The following HDX variants were observed in gnomAD, a reference collection of about 807,000 sequenced individuals.
HDX encodes the protein chromosome X open reading frame 43.
HDX carries 19 observed loss-of-function variants against 45.2 expected under a neutral mutation model. The ratio of observed to expected loss-of-function variants is 0.42; its 90% confidence interval spans 0.29 to 0.62. The LOEUF (loss-of-function observed/expected upper bound fraction) is 0.62. Among genes scored for constraint, HDX ranks in the 20% least tolerant of loss-of-function variants. The pLI is 0.20. For synonymous variants in HDX, 188 were observed against 172.8 expected (o/e 1.09, Z -0.69); for missense variants, 532 against 493.9 (o/e 1.08, Z -0.73).
At chrX:84,450,922 A>G (rs1286243723) in intron 4 of HDX, among the ~76,000 whole-genome samples, 2 of 112,056 alleles carry the variant, frequency 1.8e-5, no homozygotes, top group Non-Finnish European at 3.8e-5. Context: ...ATACATGGAT[A>G]TTAAACAACA....
At chrX:84,447,490 G>A (rs2039898419) in intron 4 of HDX, among the ~76,000 whole-genome samples, 1 of 111,192 alleles carries the variant, frequency 9.0e-6, no homozygotes, top group Non-Finnish European at 1.9e-5. Context: ...TTAGCCAATG[G>A]AAAGTGCCTC....
intron 5 of HDX, among the ~76,000 whole-genome samples, chrX:84,371,101 T>C (rs1057475165): frequency 8.9e-6 from 1 of 111,993 alleles, no homozygotes; most frequent in African/African-American, 3.2e-5. Flanking sequence ...GTGGAGCACA[T>C]CGTAAGGGCT....
chrX:84,472,480 A>G (rs912161113), intron 3 of HDX, among the ~76,000 whole-genome samples: 1 of 111,126 alleles, frequency 9.0e-6, no homozygotes, highest in Non-Finnish European at 1.9e-5. Context: ...AAATTACAAA[A>G]TAGGAGGGAT....
intron 5 of HDX, among the ~76,000 whole-genome samples, chrX:84,382,009 T>C (rs1156493280): frequency 1.8e-5 from 2 of 110,885 alleles, no homozygotes; most frequent in African/African-American, 6.5e-5. Context: ...TAGAAAAAAA[T>C]CTAATAATCC....
chrX:84,422,406 A>C (rs922010932), intron 5 of HDX, among the ~76,000 whole-genome samples: 1 of 111,181 alleles, frequency 9.0e-6, no homozygotes, highest in African/African-American at 3.3e-5. Context: ...AAGTGCCTAC[A>C]TCAAGAAAAA....
chrX:84,473,158 G>GT (rs1056807373), intron 3 of HDX, among the ~76,000 whole-genome samples: 12 of 106,622 alleles, frequency 1.1e-4, no homozygotes, highest in Admixed American at 2.0e-4. Flanking sequence ...TTGTTTTCTT[G>GT]TTTTTTTTAC....
At chrX:84,433,462 C>T (rs2039550633) in intron 5 of HDX, among the ~76,000 whole-genome samples, 1 of 111,497 alleles carries the variant, frequency 9.0e-6, no homozygotes, top group African/African-American at 3.3e-5. Flanking sequence ...CCAGCGAGTG[C>T]TCTTGGCACC....
chrX:84,424,402 T>G (rs1168068671), intron 5 of HDX, among the ~76,000 whole-genome samples: 1 of 110,337 alleles, frequency 9.1e-6, no homozygotes, highest in African/African-American at 3.3e-5. Context: ...CAATAAAGAT[T>G]CAATGCGATC....
rs1353540677 is a variant in HDX at position 84,321,267 on chromosome X, C to T, written c.*622G>A. 1 of 110,302 alleles carries T rather than the reference C, an allele frequency of 9.1e-6. No homozygotes were observed. Among genetic ancestry groups the T allele is most frequent in the Non-Finnish European group, 1.9e-5 (1 of 52,313 alleles). The allele number at this position is 110,302 out of a possible 1,213,427, so 9.1% of individuals were successfully genotyped here. A position where few individuals can be genotyped will look rare whatever the true frequency, so the allele number is the denominator to read the frequency against. Reference sequence around the variant, plus strand: ...AAATTACCTTTCCATTGTGCTTCCCCACCCCCACACAAATATTTGGGTTAG... The same window carrying T: ...AAATTACCTTTCCATTGTGCTTCCCTACCCCCACACAAATATTTGGGTTAG... On this transcript the variant is annotated 3_prime_UTR_variant, in exon 11 of 11. Coordinates refer to ENST00000373177, the MANE Select transcript of HDX (RefSeq NM_001177479.2).
At chrX:84,367,927 C>T (rs2037800490) in intron 5 of HDX, among the ~76,000 whole-genome samples, 1 of 111,576 alleles carries the variant, frequency 9.0e-6, no homozygotes, top group African/African-American at 3.3e-5. Flanking sequence ...TGCAGCAAAC[C>T]ACCATGGCAT....
At chrX:84,333,052 C>T (rs1379090288) in intron 9 of HDX, among the ~76,000 whole-genome samples, 1 of 111,391 alleles carries the variant, frequency 9.0e-6, no homozygotes, top group East Asian at 2.8e-4. Flanking sequence ...CATTCCATAA[C>T]AAGAACTTTT....
At chrX:84,489,965 C>A (rs971181261) in intron 1 of HDX, among the ~76,000 whole-genome samples, 1 of 112,099 alleles carries the variant, frequency 8.9e-6, no homozygotes, top group African/African-American at 3.2e-5. Context: ...TTCAATTTCT[C>A]TAATTAAATA....
chrX:84,438,115 T>C (rs1340115135), intron 5 of HDX, among the ~76,000 whole-genome samples: 1 of 111,090 alleles, frequency 9.0e-6, no homozygotes, highest in African/African-American at 3.3e-5. Flanking sequence ...AGACATGAGG[T>C]TCCTGGCTTG....
At chrX:84,493,243 T>A (rs754183496) in intron 1 of HDX, among the ~76,000 whole-genome samples, 6 of 112,448 alleles carry the variant, frequency 5.3e-5, no homozygotes, top group African/African-American at 1.9e-4. Flanking sequence ...GTATATTATC[T>A]GTTTATTAAG....
intron 5 of HDX, among the ~76,000 whole-genome samples, chrX:84,424,092 A>G (rs1439760080): frequency 9.0e-6 from 1 of 111,650 alleles, no homozygotes; most frequent in Non-Finnish European, 1.9e-5. Flanking sequence ...ACAAGAAAAT[A>G]TTAGAAGGAA....
chrX:84,341,349 G>C, intron 7 of HDX, among the ~76,000 whole-genome samples: 1 of 110,929 alleles, frequency 9.0e-6, no homozygotes, highest in East Asian at 2.8e-4. Context: ...TTTTTTTCTT[G>C]ATAATTTTAA....
chrX:84,478,480 G>A (rs922864697), intron 2 of HDX, among the ~76,000 whole-genome samples: 2 of 111,627 alleles, frequency 1.8e-5, no homozygotes, highest in African/African-American at 3.3e-5. Flanking sequence ...TTATAGATTC[G>A]ATGCCATACT....
chrX:84,416,763 A>G (rs756352088), intron 5 of HDX, among the ~76,000 whole-genome samples: 17 of 111,755 alleles, frequency 1.5e-4, no homozygotes, highest in Non-Finnish European at 3.2e-4. Flanking sequence ...ATTTTATTTA[A>G]CTTCATGTAT....
chrX:84,409,551 T>G (rs372719463), intron 5 of HDX, among the ~76,000 whole-genome samples: 1 of 107,002 alleles, frequency 9.3e-6, no homozygotes, highest in Non-Finnish European at 1.9e-5. Flanking sequence ...CCATAAAAAA[T>G]GATGAGTTCA....
Sources: allele counts gnomAD v4.1 joint callset (sites outside exome capture counted in the v4.1 genomes callset), GRCh38; gene constraint gnomAD v4.1.1; transcripts MANE v1.5; gene names NCBI Gene and HGNC (gene_info 2026-07-23, HGNC 2026-07-21).